The following BICRA variants were observed in gnomAD, a reference collection of about 807,000 sequenced individuals.
The protein encoded by BICRA is BRD4-interacting chromatin-remodeling complex-associated protein.
BICRA carries 31 observed loss-of-function variants against 96.9 expected under a neutral mutation model. The observed-to-expected ratio is 0.32, with a 90% confidence interval of 0.24 to 0.43. BICRA has a LOEUF of 0.43. Ranked by LOEUF, BICRA falls within the 20% of genes least tolerant of loss-of-function variation. BICRA has a pLI of 1.00. For synonymous variants in BICRA, 1,350 were observed against 1,071.8 expected, an observed-to-expected ratio of 1.26 and a Z score of -5.07; for missense variants, 2,283 against 2,190.3, an observed-to-expected ratio of 1.04 and a Z score of -0.84.
At chr19:47,623,683 G>T (rs899466696) in intron 1 of BICRA, among the ~76,000 whole-genome samples, 29 of 152,162 alleles carry the variant, frequency 1.9e-4, no homozygotes, top group Non-Finnish European at 3.2e-4. Flanking sequence ...CTGAGCCTGG[G>T]GAGGTCAGGC....
chr19:47,681,208 G>A lies in BICRA; in HGVS notation c.2038G>A (p.Gly680Arg), dbSNP rs749047335. The A allele has an allele frequency of 1.3e-6, 2 of 1,534,744 alleles. No homozygotes were observed. Among genetic ancestry groups the A allele is most frequent in the African/African-American group, 2.7e-5 (2 of 73,034 alleles). The change falls in exon 6 of 15, where the codon GGG (glycine) becomes AGG (arginine). Residue 680 changes from glycine to arginine, a missense_variant. Coordinates refer to ENST00000594866, the MANE Select transcript of BICRA (RefSeq NM_001394372.1). ...GTCTAGCCCGGAGAAGATCGTCCTGGGGCAGCCGCCCTCTGCCACCCCCAC... is the reference window on the plus strand; with the variant it reads ...GTCTAGCCCGGAGAAGATCGTCCTGAGGCAGCCGCCCTCTGCCACCCCCAC... The part of the protein sequence containing the change: ...LASSPEKIVL[G>R]QPPSATPTAI...
intron 1 of BICRA, among the ~76,000 whole-genome samples, chr19:47,654,450 G>A (rs980348754): frequency 1.3e-5 from 2 of 151,910 alleles, no homozygotes; most frequent in Non-Finnish European, 2.9e-5. Flanking sequence ...ACTACTGATG[G>A]CCAGTGGGTT....
At chr19:47,642,181 T>C (rs980621022) in intron 1 of BICRA, among the ~76,000 whole-genome samples, 2 of 152,256 alleles carry the variant, frequency 1.3e-5, no homozygotes, top group African/African-American at 4.8e-5. Flanking sequence ...GTACCAGTAG[T>C]TCATTCCTTC....
At chr19:47,656,069 G>GACACACACAC (rs60179476) in intron 1 of BICRA, among the ~76,000 whole-genome samples, 1,506 of 132,190 alleles carry the variant, frequency 0.011, 18 homozygotes, top group East Asian at 0.019. Context: ...ATCCTGTCTC[G>GACACACACAC]ACACACACAC....
Position 47,630,790 on chromosome 19 carries a change from T to C in BICRA, c.-108+21622T>C, listed in dbSNP as rs564194174. Among the ~76,000 whole-genome samples the C allele has an allele frequency of 1.1e-3, 162 of 152,310 alleles. No individual in the cohort carries two copies. In the Middle Eastern group the frequency reaches 0.014, roughly 13 times the overall value. ...GGTTTATATCTAGGAGTGGAATTGC[T>C]GGGTTGTATGGTAATGATCTGTTCT... On this transcript the variant is annotated intron_variant, in intron 1 of 14. Transcript: ENST00000594866.
intron 7 of BICRA, among the ~76,000 whole-genome samples, chr19:47,690,295 C>G (rs937388033): frequency 1.3e-5 from 2 of 152,202 alleles, no homozygotes; most frequent in African/African-American, 4.8e-5. Flanking sequence ...AGCCACCGCG[C>G]CCGGCCTACT....
At chr19:47,623,195 T>TG in intron 1 of BICRA, among the ~76,000 whole-genome samples, 1 of 152,274 alleles carries the variant, frequency 6.6e-6, no homozygotes, top group South Asian at 2.1e-4. Context: ...CGACCTCCTG[T>TG]GCTGGAGTGA....
chr19:47,694,818 A>G, intron 8 of BICRA, 82 bp from the exon 9 acceptor site: 1 of 1,166,834 alleles, frequency 8.6e-7, no homozygotes, highest in Non-Finnish European at 1.2e-6. Flanking sequence ...CGGCTCTGTG[A>G]TCCTCCCCAG....
In BICRA at chr19:47,680,661, C is replaced by T. The variant is rs1219917446; in HGVS notation, c.1491C>T (p.Ile497=). The T allele has an allele frequency of 6.2e-7, 1 of 1,607,020 alleles. No homozygotes were observed. The highest frequency in any genetic ancestry group is 1.1e-5 in the South Asian group (1 of 90,476). ...TGCCGGCCAACGTGGGCGGGCAGATCCTGGCGGCCGCTGCCCCCCACACAG... is the reference window on the plus strand; with the variant it reads ...TGCCGGCCAACGTGGGCGGGCAGATTCTGGCGGCCGCTGCCCCCCACACAG... ...SALPANVGGQ[I]LAAAAPHTGG... The change falls in exon 6 of 15, where the codon ATC becomes ATT. Residue 497 remains isoleucine, a synonymous_variant. Coordinates refer to ENST00000594866, the MANE Select transcript of BICRA (RefSeq NM_001394372.1).
At chr19:47,626,559 G>A (rs887792315) in intron 1 of BICRA, among the ~76,000 whole-genome samples, 1 of 147,132 alleles carries the variant, frequency 6.8e-6, no homozygotes, top group Non-Finnish European at 1.5e-5. Flanking sequence ...ACCATGGCCC[G>A]CTAATTTTTT....
At position 47,675,476 on chromosome 19, in the gene BICRA, G is replaced by A. The variant is rs1055200367; in HGVS notation, c.85-375G>A. Among the ~76,000 whole-genome samples the A allele has an allele frequency of 2.0e-5, 3 of 152,204 alleles. No individual in the cohort carries two copies. Among genetic ancestry groups the A allele is most frequent in the Admixed American group, 1.3e-4 (2 of 15,290 alleles). ...GCGTTGGGAAAGGAGTACTTAGTGA[G>A]AAGGGACAGGAGCTGTTGGACCACG... is the stretch of plus-strand genomic sequence containing the variant. On this transcript the variant is annotated intron_variant, in intron 4 of 14. Coordinates refer to ENST00000594866, the MANE Select transcript of BICRA (RefSeq NM_001394372.1). The surrounding 1 kb of genome is among the most constrained non-coding windows in gnomAD (Gnocchi z 4.7).
chr19:47,644,790 C>T (rs974399529), intron 1 of BICRA, among the ~76,000 whole-genome samples: 8 of 152,092 alleles, frequency 5.3e-5, no homozygotes, highest in Admixed American at 1.3e-4. Context: ...CGTGAGCCAC[C>T]GCGCCCGGAT....
At chr19:47,667,925 C>T (rs1242358294) in intron 1 of BICRA, among the ~76,000 whole-genome samples, 1 of 152,146 alleles carries the variant, frequency 6.6e-6, no homozygotes, top group Non-Finnish European at 1.5e-5. Context: ...AGTGAGCCTG[C>T]CTGGGCTGAA....
chr19:47,673,022 CCTT>C (rs1332333459), intron 2 of BICRA, among the ~76,000 whole-genome samples: 15 of 152,234 alleles, frequency 9.9e-5, no homozygotes, highest in African/African-American at 3.6e-4. Context: ...GCCACAAAGC[CCTT>C]CTTGTCTACA....
At chr19:47,647,800 G>A (rs779431821) in intron 1 of BICRA, among the ~76,000 whole-genome samples, 1 of 152,008 alleles carries the variant, frequency 6.6e-6, no homozygotes, top group African/African-American at 2.4e-5. Context: ...TGAAGACCCT[G>A]CTATGTCCTT....
chr19:47,680,234 C>G lies in BICRA; in HGVS notation c.1064C>G (p.Pro355Arg), dbSNP rs1192980463. The change falls in exon 6 of 15, where the codon CCC (proline) becomes CGC (arginine). Residue 355 changes from proline (P) to arginine (R), a missense_variant. Transcript: ENST00000594866. ...ACACCCACGCCCATCCAGCCCAAGC[C>G]CGCGGGGGTGCTGCCGCCCAAGCTC... is the stretch of plus-strand genomic sequence containing the variant. ...HRTPTPIQPK[P>R]AGVLPPKLYQ... 73 of 1,560,098 alleles carry G rather than the reference C, an allele frequency of 4.7e-5. No individual in the cohort carries two copies. The highest frequency in any genetic ancestry group is 6.1e-5 in the Non-Finnish European group (71 of 1,161,860).
Position 47,679,812 on chromosome 19 carries a change from C to T in BICRA, c.642C>T (p.Leu214=). The change falls in exon 6 of 15, where the codon CTC becomes CTT. Residue 214 remains leucine (L), a synonymous_variant. Transcript: ENST00000594866. The part of the protein sequence containing the change: ...GNVTLQPIPG[L]QGLPNGSPGG... ...TGACACTGCAGCCCATCCCGGGCCT[C>T]CAAGGCCTGCCCAATGGCAGCCCTG... The T allele has an allele frequency of 6.7e-7, 1 of 1,486,506 alleles. No homozygotes were observed. The highest frequency in any genetic ancestry group is 8.9e-7 in the Non-Finnish European group (1 of 1,120,902). The allele number at this position is 1,486,506 out of a possible 1,614,324, so 92.1% of individuals were successfully genotyped here.
chr19:47,682,533 C>T (rs903121052), intron 7 of BICRA, among the ~76,000 whole-genome samples: 1 of 152,186 alleles, frequency 6.6e-6, no homozygotes, highest in Non-Finnish European at 1.5e-5. Flanking sequence ...TGGTTTCTTG[C>T]ATTTGTTATC....
intron 1 of BICRA, among the ~76,000 whole-genome samples, chr19:47,645,282 T>C (rs1972442661): frequency 6.6e-6 from 1 of 152,208 alleles, no homozygotes; most frequent in South Asian, 2.1e-4. Flanking sequence ...CCAGTTATTG[T>C]GTAGAACGTC....
Sources: gnomAD v4.1 joint callset for allele counts (sites outside exome capture counted in the v4.1 genomes callset) on GRCh38, gnomAD v4.1.1 for gene constraint, Gnocchi (gnomAD v3.1) non-coding constraint, MANE v1.5 for transcripts, NCBI Gene and HGNC (gene_info 2026-07-23, HGNC 2026-07-21) for gene names.